Variants in RIMS1 observed in about 807,000 individuals in gnomAD.
RIMS1 encodes regulating synaptic membrane exocytosis 1.
RIMS1 carries 83 observed loss-of-function variants against 214.1 expected under a neutral mutation model. The observed-to-expected ratio is 0.39, with a 90% CI of 0.32 to 0.47. The LOEUF is 0.47. Among genes scored for constraint, RIMS1 ranks in the 20% least tolerant of loss-of-function variants. The probability of loss-of-function intolerance (pLI) is 0.99; values close to 1 mark genes in which losing one functional copy is unlikely to be tolerated. For synonymous variants in RIMS1, 793 were observed against 786.8 expected, an observed-to-expected ratio of 1.01 and a Z score of -0.13; for missense variants, 2,050 against 2,161.8, an observed-to-expected ratio of 0.95 and a Z score of 1.03.
chr6:71,977,357 A>G (rs1797411221), intron 2 of RIMS1, among the ~76,000 whole-genome samples: 1 of 152,144 alleles, frequency 6.6e-6, no homozygotes, highest in South Asian at 2.1e-4. Flanking sequence ...GAAACAATTC[A>G]CTGCTTTTAT....
chr6:72,306,101 T>C (rs549920482), intron 26 of RIMS1, among the ~76,000 whole-genome samples: 49 of 152,144 alleles, frequency 3.2e-4, no homozygotes, highest in South Asian at 1.2e-3. Context: ...AGCAAATATC[T>C]TTATGAACTC....
chr6:71,900,946 T>C (rs1007234710), intron 1 of RIMS1, among the ~76,000 whole-genome samples: 5 of 152,078 alleles, frequency 3.3e-5, no homozygotes, highest in African/African-American at 1.2e-4. Flanking sequence ...TAAAAATTGA[T>C]AGAGGACAAT....
chr6:71,956,178 T>C (rs1791221173), intron 1 of RIMS1, among the ~76,000 whole-genome samples: 1 of 152,110 alleles, frequency 6.6e-6, no homozygotes, highest in Non-Finnish European at 1.5e-5. Flanking sequence ...ATGACATATG[T>C]AGTCTTCTTA....
intron 22 of RIMS1, 180 bp downstream of exon 22, chr6:72,266,229 C>T (rs865934671): frequency 3.6e-5 from 23 of 637,800 alleles, no homozygotes; most frequent in Non-Finnish European, 5.4e-5. Context: ...TGTGGATAAA[C>T]CCAAGGGTAC....
chr6:72,183,555 C>T lies in RIMS1; in HGVS notation c.1678+406C>T, dbSNP rs372005935. ...AAACCACATCAGTTACGTAATATTA[C>T]AGTTGCAAAGGTAGTTTTTTTTTTT... On this transcript the variant is annotated intron_variant, in intron 6 of 33. Coordinates refer to ENST00000521978, the MANE Select transcript of RIMS1 (RefSeq NM_014989.7). 2.9e-4 allele frequency among the ~76,000 whole-genome samples: 39 copies of T among 134,700 alleles called. No homozygotes were observed. In the East Asian group the frequency reaches 8.4e-3, roughly 29 times the overall value. 88.4% of individuals were successfully genotyped at this position (134,700 alleles called of 152,430 possible). A position where few individuals can be genotyped will look rare whatever the true frequency, so the allele number is the denominator to read the frequency against.
chr6:72,212,128 A>G (rs1456153008), intron 6 of RIMS1, among the ~76,000 whole-genome samples: 1 of 152,158 alleles, frequency 6.6e-6, no homozygotes, highest in African/African-American at 2.4e-5. Context: ...GCAGGAAAAT[A>G]TGCTTACATT....
chr6:72,028,667 G>T (rs925659344), intron 2 of RIMS1, among the ~76,000 whole-genome samples: 2 of 152,136 alleles, frequency 1.3e-5, no homozygotes, highest in African/African-American at 2.4e-5. Context: ...ATGTCTTTCA[G>T]TTATTTTAGT....
intron 26 of RIMS1, among the ~76,000 whole-genome samples, chr6:72,292,595 A>G (rs1399885427): frequency 6.6e-6 from 1 of 152,054 alleles, no homozygotes; most frequent in Non-Finnish European, 1.5e-5. Flanking sequence ...CTGAGCAACA[A>G]AGAAAGAGAA....
chr6:72,188,700 C>T (rs1253633815), intron 6 of RIMS1, among the ~76,000 whole-genome samples: 1 of 152,208 alleles, frequency 6.6e-6, no homozygotes, highest in Non-Finnish European at 1.5e-5. Context: ...GTCACCCAGA[C>T]CATCATTCCT....
intron 26 of RIMS1, among the ~76,000 whole-genome samples, chr6:72,298,569 CT>C (rs2094321736): frequency 1.3e-5 from 2 of 152,002 alleles, no homozygotes; most frequent in Admixed American, 1.3e-4. Flanking sequence ...ACATTTACAA[CT>C]GCAAGGAAGG....
intron 9 of RIMS1, among the ~76,000 whole-genome samples, chr6:72,240,370 C>T (rs1320785643): frequency 1.3e-5 from 2 of 151,824 alleles, no homozygotes; most frequent in East Asian, 3.9e-4. Context: ...TCAATTTAAT[C>T]GTTTGCATCT....
chr6:72,260,359 G>T lies in RIMS1; in HGVS notation c.3054-346G>T, dbSNP rs2077440701. 2.6e-5 allele frequency among the ~76,000 whole-genome samples: 4 copies of T among 151,946 alleles called. No individual in the cohort carries two copies. The South Asian group carries it at 8.3e-4, about 32-fold the overall frequency. On this transcript the variant is annotated intron_variant, in intron 18 of 33. Transcript: ENST00000521978. ...TGTTCAGAATTCCCATTAGTATCAG[G>T]CCAAATTTATAGTATTAAAAAAATA... is the stretch of plus-strand genomic sequence containing the variant.
chr6:72,384,375 A>C (rs1488494810), intron 29 of RIMS1, among the ~76,000 whole-genome samples: 2 of 152,066 alleles, frequency 1.3e-5, no homozygotes, highest in East Asian at 1.9e-4. Context: ...TCAGGCACCT[A>C]ATCTTACTGC....
At chr6:72,274,916 G>A (rs1168711455) in intron 23 of RIMS1, among the ~76,000 whole-genome samples, 1 of 151,326 alleles carries the variant, frequency 6.6e-6, no homozygotes, top group Non-Finnish European at 1.5e-5. Flanking sequence ...AAAATACCTG[G>A]TTTTTATATA....
At chr6:72,126,787 G>A (rs75474834) in intron 4 of RIMS1, 3,381 of 222,226 alleles carry the variant, frequency 0.015, 113 homozygotes, top group African/African-American at 0.075. Context: ...AAAAAAAGAT[G>A]GTGACCTGGA....
At chr6:71,962,134 T>C (rs1793133788) in intron 1 of RIMS1, among the ~76,000 whole-genome samples, 1 of 152,138 alleles carries the variant, frequency 6.6e-6, no homozygotes, top group Admixed American at 6.6e-5. Context: ...ATCTAAAGGA[T>C]GATAAATGGG....
At chr6:72,023,275 T>C (rs1054550249) in intron 2 of RIMS1, among the ~76,000 whole-genome samples, 2 of 152,172 alleles carry the variant, frequency 1.3e-5, no homozygotes, top group Non-Finnish European at 2.9e-5. Context: ...TTAGGTCTGA[T>C]TTATGATATA....
intron 9 of RIMS1, among the ~76,000 whole-genome samples, chr6:72,241,799 G>A (rs2067036478): frequency 1.3e-5 from 2 of 152,112 alleles, no homozygotes; most frequent in South Asian, 4.1e-4. Context: ...ATTCTGTTGT[G>A]CATCTGGTGA....
intron 29 of RIMS1, among the ~76,000 whole-genome samples, chr6:72,356,629 A>G (rs890217396): frequency 1.3e-5 from 2 of 151,952 alleles, no homozygotes; most frequent in African/African-American, 4.8e-5. Flanking sequence ...GTGTGGTGGC[A>G]GGTACCTGTA....
Sources: gnomAD v4.1 joint callset for allele counts (sites outside exome capture counted in the v4.1 genomes callset) on GRCh38, gnomAD v4.1.1 for gene constraint, MANE v1.5 for transcripts, NCBI Gene and HGNC (gene_info 2026-07-23, HGNC 2026-07-21) for gene names.